PEX11G: variants seen among roughly 807,000 people sequenced by gnomAD.
The protein encoded by PEX11G is peroxisomal biogenesis factor 11 gamma.
Under a neutral mutation model 22.5 loss-of-function variants are expected in PEX11G, and 20 were observed. The ratio of observed to expected loss-of-function variants is 0.89; its 90% CI spans 0.62 to 1.29. The LOEUF is 1.29. PEX11G is among the 50% of genes most tolerant of loss of function. The probability of loss-of-function intolerance (pLI) is 0.00; values close to 1 mark genes in which losing one functional copy is unlikely to be tolerated. For synonymous variants in PEX11G, 141 were observed against 154.5 expected (o/e 0.91, Z 0.65); for missense variants, 347 against 331.3 (o/e 1.05, Z -0.37).
At chr19:7,489,271 C>G, upstream of PEX11G, 4 of 1,248,176 alleles carry the variant, frequency 3.2e-6, no homozygotes, top group Non-Finnish European at 4.0e-6. Context: ...GCCAACTACC[C>G]ACGCACAAAA....
chr19:7,487,467 C>A (rs2021713678), intron 1 of PEX11G, among the ~76,000 whole-genome samples: 1 of 152,142 alleles, frequency 6.6e-6, no homozygotes, highest in Admixed American at 6.6e-5. Context: ...TTGCTCTGCT[C>A]CCCAGGCTCG....
chr19:7,478,003 C>A (rs1977306975), intron 4 of PEX11G, among the ~76,000 whole-genome samples: 1 of 152,238 alleles, frequency 6.6e-6, no homozygotes, highest in African/African-American at 2.4e-5. Context: ...GCCTGGGCAA[C>A]AGAGCAAGAC....
upstream of PEX11G, among the ~76,000 whole-genome samples, chr19:7,489,851 CTT>C (rs55711330): frequency 8.3e-5 from 12 of 143,886 alleles, no homozygotes; most frequent in South Asian, 6.7e-4. Context: ...CTGGAGACGT[CTT>C]TTTTTTTTTT....
chr19:7,493,909 C>CTT (rs1362239751), upstream of PEX11G, among the ~76,000 whole-genome samples: 4,358 of 130,780 alleles, frequency 0.033, 138 homozygotes, highest in African/African-American at 0.081. Flanking sequence ...GGGGGTCACT[C>CTT]TTTTTTTTTT....
Position 7,477,206 on chromosome 19 carries a change from G to A in PEX11G, c.722C>T (p.Pro241Leu), listed in dbSNP as rs758288493. ...RAGGQAEATT[P>L] ...CCCTGTGCTCTTCCGGCAGTGTCAG[G>A]GGGTAGTGGCCTCGGCCTGGCCGCC... The change falls in exon 5 of 5, where the codon CCC becomes CTC. Residue 241 changes from proline to leucine, a missense_variant. Pro to Leu is a moderately conservative substitution (Grantham distance 98). Transcript: ENST00000221480. 1.3e-6 allele frequency: 2 copies of A among 1,494,698 alleles called. No individual in the cohort carries two copies. Among genetic ancestry groups the A allele is most frequent in the Admixed American group, 5.1e-5 (2 of 39,526 alleles). The allele number at this position is 1,494,698 out of a possible 1,614,324, so 92.6% of individuals were successfully genotyped here.
chr19:7,485,896 C>T lies in PEX11G; in HGVS notation c.191G>A (p.Arg64Gln), dbSNP rs764008904. Residue 64 changes from arginine (R) to glutamine (Q), a missense_variant, in exon 2 of 5, where the codon CGA (arginine) becomes CAA (glutamine). By Grantham distance (43) the Arg-to-Gln change is conservative (BLOSUM62 1). Transcript: ENST00000221480. ...TQLSHCRTIL[R>Q]LFDDLAMFVY... ...AAACATGGCCAGGTCATCAAAGAGT[C>T]GCAAGATGGTCCTGCAGTGGCTGAG... The T allele has an allele frequency of 4.3e-5, 70 of 1,613,520 alleles. No individual in the cohort carries two copies. Among genetic ancestry groups the T allele is most frequent in the Non-Finnish European group, 5.6e-5 (66 of 1,179,622 alleles).
chr19:7,480,925 GA>G (rs1476003224), intron 3 of PEX11G, among the ~76,000 whole-genome samples: 2 of 152,186 alleles, frequency 1.3e-5, no homozygotes, highest in Admixed American at 6.6e-5. Flanking sequence ...ACCATTACTA[GA>G]AAGTTCTAGA....
chr19:7,490,486 G>A (rs1374493674), upstream of PEX11G, among the ~76,000 whole-genome samples: 1 of 110,680 alleles, frequency 9.0e-6, no homozygotes, highest in Non-Finnish European at 1.8e-5. Flanking sequence ...ACCACGCCTG[G>A]GTAATTTTTT....
intron 3 of PEX11G, among the ~76,000 whole-genome samples, chr19:7,481,573 T>G (rs1231227421): frequency 6.6e-6 from 1 of 152,112 alleles, no homozygotes; most frequent in Non-Finnish European, 1.5e-5. Flanking sequence ...ATAGGGGTCC[T>G]TATAGGAGGG....
chr19:7,483,839 C>A (rs917879586), intron 2 of PEX11G, among the ~76,000 whole-genome samples: 1 of 152,124 alleles, frequency 6.6e-6, no homozygotes, highest in African/African-American at 2.4e-5. Flanking sequence ...CTGGCCCACG[C>A]AGCCTCTGAG....
chr19:7,484,962 A>T (rs1023927016), intron 2 of PEX11G, among the ~76,000 whole-genome samples: 2 of 152,198 alleles, frequency 1.3e-5, no homozygotes, highest in Admixed American at 1.3e-4. Context: ...TGAAATTTTT[A>T]AAAGTAATAA....
Position 7,478,372 on chromosome 19 carries a change from G to C in PEX11G, c.433C>G (p.Leu145Val). ...LSLLLGVARS[L>V]WMLLKLRQRL... is the part of the protein sequence containing the mutation. ...TGTCTCAGTTTCAGCAGCATCCACA[G>C]GGACCTGCAGCACCAGAGCCCGAGG... Residue 145 changes from leucine to valine, a missense_variant, in exon 4 of 5, where the codon CTG becomes GTG. By Grantham distance (32) the Leu-to-Val change is conservative. Transcript: ENST00000221480. 6.2e-7 allele frequency: 1 copy of C among 1,609,926 alleles called. No individual in the cohort carries two copies. The highest frequency in any genetic ancestry group is 8.5e-7 in the Non-Finnish European group (1 of 1,178,890).
At chr19:7,489,083 C>A, upstream of PEX11G, 1 of 1,416,248 alleles carries the variant, frequency 7.1e-7, no homozygotes, top group South Asian at 1.5e-5. Context: ...GTACCGGGAG[C>A]GCCCCAAAGG....
At chr19:7,494,384 A>G (rs1451695836) in intron 1 of PEX11G, among the ~76,000 whole-genome samples, 1 of 152,128 alleles carries the variant, frequency 6.6e-6, no homozygotes, top group African/African-American at 2.4e-5. Context: ...AGCAAGACCC[A>G]TCTCTAAAAA....
chr19:7,485,722 G>T (rs2145973079), intron 2 of PEX11G, 116 bp downstream of exon 2: 1 of 932,044 alleles, frequency 1.1e-6, no homozygotes, highest in Non-Finnish European at 1.6e-6. Context: ...GCCAGCCTTG[G>T]CCTCACAAAG....
At chr19:7,490,343 C>T (rs11882630), upstream of PEX11G, among the ~76,000 whole-genome samples, 2,749 of 151,368 alleles carry the variant, frequency 0.018, 73 homozygotes, top group African/African-American at 0.063. Context: ...TTTTTTTAGA[C>T]GGAGCCTCGC....
At chr19:7,481,993 C>T in intron 3 of PEX11G, 40 bp downstream of exon 3, 6 of 1,507,376 alleles carry the variant, frequency 4.0e-6, no homozygotes, top group Non-Finnish European at 5.3e-6. Context: ...AGGCACCGCC[C>T]AGGGACCTTG....
intron 3 of PEX11G, among the ~76,000 whole-genome samples, chr19:7,480,817 G>GA (rs1977456587): frequency 6.6e-6 from 1 of 152,188 alleles, no homozygotes; most frequent in African/African-American, 2.4e-5. Context: ...CACAGCCACT[G>GA]AAACATGGAG....
At chr19:7,489,123 G>C, upstream of PEX11G, 4 of 1,294,050 alleles carry the variant, frequency 3.1e-6, no homozygotes, top group Non-Finnish European at 3.0e-6. Context: ...GCAGGCCTTT[G>C]TCCCCCTGAC....
Sources: allele counts gnomAD v4.1 joint callset (sites outside exome capture counted in the v4.1 genomes callset), GRCh38; gene constraint gnomAD v4.1.1; transcripts MANE v1.5; gene names NCBI Gene and HGNC (gene_info 2026-07-23, HGNC 2026-07-21).